NIPAL3: variants seen among roughly 807,000 people sequenced by gnomAD.
The protein encoded by NIPAL3 is NIPA-like protein 3.
A neutral mutation model predicts 47.2 loss-of-function variants in NIPAL3; 41 were observed. The observed-to-expected ratio is 0.87, with a 90% CI of 0.68 to 1.13. The LOEUF (loss-of-function observed/expected upper bound fraction) is 1.13, where lower values mean the gene tolerates loss of function less well. Among genes scored for constraint, NIPAL3 ranks in the 50% most tolerant of loss-of-function variants. The pLI is 0.00. For synonymous variants in NIPAL3, 194 were observed against 209.6 expected (o/e 0.93, Z 0.64); for missense variants, 449 against 530.1 (o/e 0.85, Z 1.50).
rs1645934837 is a variant in NIPAL3 at position 24,451,483 on chromosome 1, C to T, written c.540+1857C>T. Among the ~76,000 whole-genome samples the T allele has an allele frequency of 6.6e-6, 1 of 151,952 alleles. No homozygotes were observed. On this transcript the variant is annotated intron_variant, in intron 6 of 11. Transcript: ENST00000374399. The surrounding 1 kb of genome is among the most constrained non-coding windows in gnomAD (Gnocchi z 4.5). ...GGCCGAGGTAGGAGGATTGCTTGAGCCCAGGAACTTGAGACCAGTGTGGGC... is the reference window on the plus strand; with the variant it reads ...GGCCGAGGTAGGAGGATTGCTTGAGTCCAGGAACTTGAGACCAGTGTGGGC...
chr1:24,467,897 T>C (rs960764220), intron 11 of NIPAL3, among the ~76,000 whole-genome samples: 4 of 152,204 alleles, frequency 2.6e-5, no homozygotes, highest in African/African-American at 9.6e-5. Flanking sequence ...CCAGGGCATA[T>C]TAAACAGTTA....
intron 2 of NIPAL3, among the ~76,000 whole-genome samples, chr1:24,424,361 G>A (rs1045907822): frequency 2.0e-5 from 3 of 151,930 alleles, no homozygotes; most frequent in Admixed American, 2.0e-4. Flanking sequence ...ACGGCTGTGT[G>A]GATCAATGAA....
At chr1:24,426,117 A>G (rs953878231) in intron 2 of NIPAL3, among the ~76,000 whole-genome samples, 2 of 152,194 alleles carry the variant, frequency 1.3e-5, no homozygotes, top group Non-Finnish European at 2.9e-5. Context: ...TAACTTGCCC[A>G]TGGCCACACA....
chr1:24,458,498 C>T (rs1302087405), intron 8 of NIPAL3, among the ~76,000 whole-genome samples: 10 of 150,932 alleles, frequency 6.6e-5, no homozygotes, highest in Admixed American at 5.3e-4. Flanking sequence ...CTAGGCAGAA[C>T]GTGATTAGTG....
chr1:24,413,758 C>T (rs931756618), upstream of NIPAL3: 2 of 152,310 alleles, frequency 1.3e-5, no homozygotes, highest in African/African-American at 4.8e-5. Flanking sequence ...GCGAGTCCAC[C>T]TTCCGCCGTC....
intron 6 of NIPAL3, 79 bp from the exon 7 acceptor site, chr1:24,453,329 T>C: frequency 1.1e-6 from 1 of 921,674 alleles, no homozygotes. Flanking sequence ...ACTCTGGTGA[T>C]GGCCCAGCCC....
In NIPAL3 at chr1:24,464,078, C is replaced by A. The variant is rs1466801291; in HGVS notation, c.979C>A (p.Pro327Thr). 1 of 1,613,676 alleles carries A rather than the reference C, an allele frequency of 6.2e-7. No homozygotes were observed. The highest frequency in any genetic ancestry group is 1.3e-5 in the African/African-American group (1 of 75,030). Residue 327 changes from proline (P) to threonine (T), a missense_variant, in exon 11 of 12, where the codon CCC (proline) becomes ACC (threonine). Physicochemically the swap from Pro to Thr is conservative, Grantham distance 38. Transcript: ENST00000374399. ...CTTAATCACGCGTAACAGGAAGAAG[C>A]CCATTCCATTTGAGCCCTATATTTC... Reference protein sequence around the residue: ...VFLITRNRKKPIPFEPYISMD... With the variant: ...VFLITRNRKKTIPFEPYISMD...
intron 11 of NIPAL3, chr1:24,465,230 G>A (rs1216350144): frequency 1.7e-5 from 2 of 120,942 alleles, no homozygotes; most frequent in African/African-American, 3.0e-5. Context: ...CTTTTTAAAC[G>A]TCTAATCTGG....
rs907239987 is a variant in NIPAL3 at position 24,457,159 on chromosome 1, G to A, written c.773+886G>A. Among the ~76,000 whole-genome samples, 3 of 152,168 alleles carry A rather than the reference G, an allele frequency of 2.0e-5. No homozygotes were observed. The East Asian group carries it at 5.8e-4, about 29-fold the overall frequency. On this transcript the variant is annotated intron_variant, in intron 8 of 11. Coordinates refer to ENST00000374399, the MANE Select transcript of NIPAL3 (RefSeq NM_020448.5). ...GCCTCGGAAGCATGGCCATCCCTAG[G>A]AGGCACCTGCTTGTCTGCTGGGTTG...
chr1:24,462,202 TG>T lies in NIPAL3; in HGVS notation c.926+1663del, dbSNP rs376449140. 7.0e-4 allele frequency among the ~76,000 whole-genome samples: 106 copies of T among 152,260 alleles called. No homozygotes were observed. The East Asian group carries it at 0.015, about 21-fold the overall frequency. The stretch of plus-strand genomic sequence containing the variant: ...CTCACTCACTATCATGAGAACAGCA[TG>T]GGGGTAACTGCTCCCATGATTCAGT... On this transcript the variant is annotated intron_variant, in intron 10 of 11. Coordinates refer to ENST00000374399, the MANE Select transcript of NIPAL3 (RefSeq NM_020448.5).
chr1:24,466,678 A>C (rs935384949), intron 11 of NIPAL3, among the ~76,000 whole-genome samples: 3 of 152,110 alleles, frequency 2.0e-5, no homozygotes, highest in Non-Finnish European at 4.4e-5. Context: ...CTCTCATTGC[A>C]ATGTGTCAAT....
At chr1:24,428,051 G>A (rs1644680029) in intron 2 of NIPAL3, among the ~76,000 whole-genome samples, 2 of 152,082 alleles carry the variant, frequency 1.3e-5, no homozygotes. Flanking sequence ...ACCAGCCTGG[G>A]CAACATGGTG....
intron 4 of NIPAL3, 69 bp from the exon 5 acceptor site, chr1:24,445,116 C>A: frequency 9.4e-7 from 1 of 1,060,862 alleles, no homozygotes. Context: ...ACCCAGAGGG[C>A]ATGGGTGAAG....
rs775644345 is a variant in NIPAL3 at position 24,469,089 on chromosome 1, C to T, written c.1125C>T (p.Tyr375=). The T allele has an allele frequency of 1.9e-5, 31 of 1,614,010 alleles. No homozygotes were observed. Among genetic ancestry groups the T allele is most frequent in the Admixed American group, 1.2e-4 (7 of 59,994 alleles). The part of the protein sequence containing the change: ...LENNDNISEI[Y]APATLPVMQE... ...ACAATGACAACATTTCTGAGATCTACGCTCCTGCCACCCTGCCAGTCATGC... is the reference window on the plus strand; with the variant it reads ...ACAATGACAACATTTCTGAGATCTATGCTCCTGCCACCCTGCCAGTCATGC... Residue 375 remains tyrosine (Y), a synonymous_variant, in exon 12 of 12, where the codon TAC becomes TAT. Coordinates refer to ENST00000374399, the MANE Select transcript of NIPAL3 (RefSeq NM_020448.5).
chr1:24,431,309 G>A (rs1644866161), intron 2 of NIPAL3, among the ~76,000 whole-genome samples: 2 of 152,150 alleles, frequency 1.3e-5, no homozygotes, highest in Non-Finnish European at 2.9e-5. Flanking sequence ...GGTAAATGAA[G>A]GACAAGCCTT....
At chr1:24,448,933 T>G (rs1326498616) in intron 5 of NIPAL3, among the ~76,000 whole-genome samples, 2 of 152,240 alleles carry the variant, frequency 1.3e-5, no homozygotes, top group Non-Finnish European at 2.9e-5. Context: ...AATGGATAAA[T>G]TGTGTTGTAT....
At chr1:24,458,493 C>T (rs889701993) in intron 8 of NIPAL3, among the ~76,000 whole-genome samples, 3 of 151,170 alleles carry the variant, frequency 2.0e-5, no homozygotes, top group African/African-American at 7.3e-5. Context: ...TGACACTAGG[C>T]AGAACGTGAT....
In NIPAL3 at chr1:24,472,238, A is replaced by T. The variant is rs1646930098; in HGVS notation, c.*3053A>T. On this transcript the variant is annotated 3_prime_UTR_variant, in exon 12 of 12. Transcript: ENST00000374399. ...AGGGCTGAGCAGAAAGTTAAATGGT[A>T]GTTTCCTGACTGGAAGCCACACGTA... is the stretch of plus-strand genomic sequence containing the variant. The T allele has an allele frequency of 6.6e-6, 1 of 152,198 alleles. No homozygotes were observed. The highest frequency in any genetic ancestry group is 1.5e-5 in the Non-Finnish European group (1 of 68,046). The allele number at this position is 152,198 out of a possible 1,614,324, so 9.4% of individuals were successfully genotyped here. A position where few individuals can be genotyped will look rare whatever the true frequency, so the allele number is the denominator to read the frequency against.
chr1:24,428,258 AAGAGAGAGAG>A (rs56082168), intron 2 of NIPAL3, among the ~76,000 whole-genome samples: 40,818 of 119,694 alleles, frequency 0.34, 6,356 homozygotes, highest in Non-Finnish European at 0.39. Flanking sequence ...CTCAAAAAGA[AAGAGAGAGAG>A]AGAGAGAGAG....
Sources: allele counts gnomAD v4.1 joint callset (sites outside exome capture counted in the v4.1 genomes callset), GRCh38; gene constraint gnomAD v4.1.1; non-coding constraint Gnocchi (gnomAD v3.1); transcripts MANE v1.5; gene names NCBI Gene and HGNC (gene_info 2026-07-23, HGNC 2026-07-21).